The following NDUFA11 variants were observed in gnomAD, a reference collection of about 807,000 sequenced individuals.
NDUFA11 encodes NADH dehydrogenase [ubiquinone] 1 alpha subcomplex subunit 11.
NDUFA11 carries 14 observed loss-of-function variants against 11.3 expected under a neutral mutation model. That is an observed-to-expected ratio of 1.24 (90% CI 0.82 to 1.94). The LOEUF is 1.94. NDUFA11 is among the 30% of genes most tolerant of loss of function. The probability of loss-of-function intolerance (pLI) is 0.00; values close to 1 mark genes in which losing one functional copy is unlikely to be tolerated. For missense variants in NDUFA11, 204 were observed against 200.3 expected (o/e 1.02, Z -0.11); for synonymous variants, 87 against 85.6 (o/e 1.02, Z -0.09).
intron 1 of NDUFA11, among the ~76,000 whole-genome samples, chr19:5,897,781 C>T (rs1349360675): frequency 6.6e-6 from 1 of 152,242 alleles, no homozygotes; most frequent in East Asian, 1.9e-4. Context: ...GAGGTTTGAT[C>T]CCAGCCCACC....
At chr19:5,903,534 G>A in intron 1 of NDUFA11, 78 bp downstream of exon 1, 1 of 1,381,634 alleles carries the variant, frequency 7.2e-7, no homozygotes, top group Non-Finnish European at 9.9e-7. Context: ...AGACCCGTTC[G>A]ATCCAAACAG....
chr19:5,895,344 C>T (rs2057601143), intron 3 of NDUFA11: 1 of 168,912 alleles, frequency 5.9e-6, no homozygotes, highest in African/African-American at 2.4e-5. Context: ...TGTCCCCACA[C>T]ACCAGGACCT....
rs564498100 is a variant in NDUFA11 at position 5,903,779 on chromosome 19, A to G, written c.-71T>C. 299 of 1,472,922 alleles carry G rather than the reference A, an allele frequency of 2.0e-4. 2 individuals are homozygous for G. In the African/African-American group the frequency reaches 3.5e-3, roughly 17 times the overall value. The allele number at this position is 1,472,922 out of a possible 1,614,324, so 91.2% of individuals were successfully genotyped here. A position where few individuals can be genotyped will look rare whatever the true frequency, so the allele number is the denominator to read the frequency against. Reference sequence around the variant, plus strand: ...AGCGCAAGGGCAGCCGCGGCTGGCTATCGCGAGACTTCTCGGGCTGCGCGC... The same window carrying G: ...AGCGCAAGGGCAGCCGCGGCTGGCTGTCGCGAGACTTCTCGGGCTGCGCGC... On this transcript the variant is annotated 5_prime_UTR_variant, in exon 1 of 4. Coordinates refer to ENST00000308961, the MANE Select transcript of NDUFA11 (RefSeq NM_175614.5).
intron 1 of NDUFA11, chr19:5,902,727 G>C (rs1599697603): frequency 6.6e-6 from 1 of 151,860 alleles, no homozygotes; most frequent in Admixed American, 6.6e-5. Flanking sequence ...TGCCAGGGCC[G>C]GCCGGGCATG....
downstream of NDUFA11, among the ~76,000 whole-genome samples, chr19:5,893,473 G>A (rs371631951): frequency 5.9e-5 from 9 of 151,972 alleles, no homozygotes; most frequent in Non-Finnish European, 1.2e-4. This position sits in a 1 kb window ranked among gnomAD's most constrained non-coding sequence, Gnocchi z 4.1. Flanking sequence ...TCAAAAAGAC[G>A]AATTTTTGGT....
At chr19:5,899,451 C>CTT (rs71172780) in intron 1 of NDUFA11, among the ~76,000 whole-genome samples, 2,581 of 68,726 alleles carry the variant, frequency 0.038, 228 homozygotes, top group South Asian at 0.047. Context: ...CGCCCGGACT[C>CTT]TTTTTTTTTT....
rs1356221475 is a variant in NDUFA11 at position 5,896,438 on chromosome 19, G to A, written c.313+15C>T. 7 of 566,026 alleles carry A rather than the reference G, an allele frequency of 1.2e-5. No individual in the cohort carries two copies. The highest frequency in any genetic ancestry group is 4.9e-4 in the Middle Eastern group (1 of 2,060). The allele number at this position is 566,026 out of a possible 1,614,324, so 35.1% of individuals were successfully genotyped here. A position where few individuals can be genotyped will look rare whatever the true frequency, so the allele number is the denominator to read the frequency against. ...AGGCTGGGAGGAGGGTGGGGGTGGG[G>A]AGGGGGCCACTCACTGCGTGCTCCC... On this transcript the variant is annotated intron_variant, in intron 3 of 3. Transcript: ENST00000308961. This position sits in a 1 kb window ranked among gnomAD's most constrained non-coding sequence, Gnocchi z 5.8.
At chr19:5,898,998 T>C in intron 1 of NDUFA11, among the ~76,000 whole-genome samples, 1 of 149,144 alleles carries the variant, frequency 6.7e-6, no homozygotes, top group South Asian at 2.1e-4. Context: ...AGTACAGCCG[T>C]CCCCCCAGGA....
chr19:5,900,924 A>G (rs1267385393), intron 1 of NDUFA11, among the ~76,000 whole-genome samples: 1 of 151,438 alleles, frequency 6.6e-6, no homozygotes, highest in Non-Finnish European at 1.5e-5. Flanking sequence ...AAAAAAAAAA[A>G]AAAGAAAAAA....
rs561860912 is a variant in NDUFA11, at chr19:5,897,415, C to G, written c.98-418G>C. Among the ~76,000 whole-genome samples, 6 of 152,288 alleles carry G rather than the reference C, an allele frequency of 3.9e-5. No individual in the cohort carries two copies. In the South Asian group the frequency reaches 8.3e-4, roughly 21 times the overall value. ...ACACCGCCAGCTCAGCGGCGCCCCCCACGGGCCCTGGCACCAGGGCCCCAG... is the reference window on the plus strand; with the variant it reads ...ACACCGCCAGCTCAGCGGCGCCCCCGACGGGCCCTGGCACCAGGGCCCCAG... On this transcript the variant is annotated intron_variant, in intron 1 of 3. Coordinates refer to ENST00000308961, the MANE Select transcript of NDUFA11 (RefSeq NM_175614.5).
intron 1 of NDUFA11, among the ~76,000 whole-genome samples, chr19:5,902,256 T>A (rs1226502425): frequency 1.3e-5 from 2 of 150,324 alleles, no homozygotes; most frequent in East Asian, 4.0e-4. Flanking sequence ...TGAGCCACCA[T>A]GCCCGGCCTA....
Position 5,896,579 on chromosome 19 carries a change from C to T in NDUFA11, c.191-4G>A, listed in dbSNP as rs376095426. 110 of 1,561,962 alleles carry T rather than the reference C, an allele frequency of 7.0e-5. No individual in the cohort carries two copies. The highest frequency in any genetic ancestry group is 9.5e-5 in the African/African-American group (7 of 73,532). On this transcript the variant is annotated splice_polypyrimidine_tract_variant and splice_region_variant and intron_variant, in intron 2 of 3. Coordinates refer to ENST00000308961, the MANE Select transcript of NDUFA11 (RefSeq NM_175614.5). The surrounding 1 kb of genome is among the most constrained non-coding windows in gnomAD (Gnocchi z 5.8). Reference sequence around the variant, plus strand: ...CCAAACACGGCCCCGACAGCAGCTGCGGGGTAGACGGGAAGAGCAAGGGCC... The same window carrying T: ...CCAAACACGGCCCCGACAGCAGCTGTGGGGTAGACGGGAAGAGCAAGGGCC...
chr19:5,899,004 C>G (rs1464459631), intron 1 of NDUFA11, among the ~76,000 whole-genome samples: 2 of 151,996 alleles, frequency 1.3e-5, no homozygotes, highest in African/African-American at 4.8e-5. Flanking sequence ...GCCGTCCCCC[C>G]AGGACTCCCC....
chr19:5,897,513 G>T (rs894135740), intron 1 of NDUFA11, among the ~76,000 whole-genome samples: 1 of 152,134 alleles, frequency 6.6e-6, no homozygotes, highest in Non-Finnish European at 1.5e-5. Flanking sequence ...CCTTGGCAGT[G>T]GCTCTGCTTC....
intron 1 of NDUFA11, 135 bp downstream of exon 1, chr19:5,903,477 G>T (rs552443915): frequency 4.9e-6 from 4 of 821,826 alleles, no homozygotes; most frequent in Non-Finnish European, 7.7e-6. Flanking sequence ...CCCTACGACC[G>T]CCCAAGACAC....
downstream of NDUFA11, chr19:5,892,932 C>A: frequency 6.9e-7 from 1 of 1,445,178 alleles, no homozygotes; most frequent in Admixed American, 2.6e-5. Context: ...TTCTGGGGTT[C>A]GAACCCAGAG....
downstream of NDUFA11, among the ~76,000 whole-genome samples, chr19:5,894,154 C>T (rs2057593173): frequency 6.6e-6 from 1 of 152,270 alleles, no homozygotes; most frequent in South Asian, 2.1e-4. Context: ...TCCTGTCCCG[C>T]TCTGCCCTAG....
At chr19:5,891,890 A>AGTTCAAGGTAAACTCAGGAAGGG (rs1214856342), downstream of NDUFA11, 1 of 152,014 alleles carries the variant, frequency 6.6e-6, no homozygotes, top group Non-Finnish European at 1.5e-5. Flanking sequence ...GGCTCCATGA[A>AGTTCAAGGTAAACTCAGGAAGGG]GTTCAAGGTA....
Position 5,894,848 on chromosome 19 carries a change from T to C in NDUFA11, c.320A>G (p.Asn107Ser), listed in dbSNP as rs2057597854. The change falls in exon 4 of 4, where the codon AAC (asparagine) becomes AGC (serine). Residue 107 changes from asparagine to serine, a missense_variant. Physicochemically the swap from Asn to Ser is conservative, Grantham distance 46 (BLOSUM62 1). Transcript: ENST00000308961. ...GGLTLGARTH[N>S]YGIGAAACVY... ...GCAGGCGGCGGCGCCAATCCCGTAG[T>C]TGTGCGCTGTGGGAGTGGGGAGGTG... is the stretch of plus-strand genomic sequence containing the variant. 1.9e-6 allele frequency: 3 copies of C among 1,605,446 alleles called. No individual in the cohort carries two copies. The highest frequency in any genetic ancestry group is 1.7e-6 in the Non-Finnish European group (2 of 1,175,870).
Sources: allele counts gnomAD v4.1 joint callset (sites outside exome capture counted in the v4.1 genomes callset), GRCh38; gene constraint gnomAD v4.1.1; non-coding constraint Gnocchi (gnomAD v3.1); transcripts MANE v1.5; gene names NCBI Gene and HGNC (gene_info 2026-07-23, HGNC 2026-07-21).